The following COG1 variants were observed in gnomAD, a reference collection of about 807,000 sequenced individuals.
COG1 encodes the protein component of oligomeric golgi complex 1, also known as conserved oligomeric Golgi complex subunit 1.
In COG1, 61 loss-of-function variants were observed where a neutral mutation model predicts 102.2. The ratio of observed to expected loss-of-function variants is 0.60; its 90% confidence interval spans 0.49 to 0.74. The LOEUF is 0.74. Ranked by LOEUF, COG1 falls within the 30% of genes least tolerant of loss-of-function variation. COG1 has a pLI of 0.00. For synonymous variants in COG1, 454 were observed against 493.6 expected (o/e 0.92, Z 1.06); for missense variants, 1,164 against 1,232.1 (o/e 0.94, Z 0.83).
intron 12 of COG1, 175 bp from the exon 13 acceptor site, chr17:73,207,006 T>C (rs372187496): frequency 8.6e-6 from 6 of 694,152 alleles, no homozygotes; most frequent in South Asian, 3.4e-5. Flanking sequence ...GGCAGGAGAA[T>C]GGCGTGAACC....
intron 2 of COG1, 42 bp from the exon 3 acceptor site, chr17:73,196,858 A>G (rs770105045): frequency 6.2e-7 from 1 of 1,613,814 alleles, no homozygotes; most frequent in Admixed American, 1.7e-5. Flanking sequence ...TTTACCCAAG[A>G]TGTGAAAAAC....
At chr17:73,200,854 T>G in intron 6 of COG1, 78 bp downstream of exon 6, 1 of 1,362,092 alleles carries the variant, frequency 7.3e-7, no homozygotes, top group Non-Finnish European at 1.0e-6. Flanking sequence ...GAGATTTCTG[T>G]CGCTTCCCAA....
At chr17:73,199,619 G>C (rs1479032919) in intron 4 of COG1, among the ~76,000 whole-genome samples, 2 of 152,074 alleles carry the variant, frequency 1.3e-5, no homozygotes, top group Non-Finnish European at 2.9e-5. Flanking sequence ...TTGTTGCCCA[G>C]GCTTGAGTGT....
chr17:73,201,440 C>G lies in COG1; in HGVS notation c.1613C>G (p.Ser538Cys). The change falls in exon 7 of 14, where the codon TCT (serine) becomes TGT (cysteine). Residue 538 changes from serine to cysteine, a missense_variant. Physicochemically the swap from Ser to Cys is moderately radical, Grantham distance 112. Transcript: ENST00000299886. ...KLDDLLAYLP[S>C]DDSSLPKDVS... Reference sequence around the variant, plus strand: ...GATGACCTCCTGGCTTACCTCCCCTCTGATGACTCATCACTGCCCAAGGAC... The same window carrying G: ...GATGACCTCCTGGCTTACCTCCCCTGTGATGACTCATCACTGCCCAAGGAC... The G allele has an allele frequency of 6.2e-7, 1 of 1,614,278 alleles. No homozygotes were observed. The highest frequency in any genetic ancestry group is 2.2e-5 in the East Asian group (1 of 44,892).
intron 13 of COG1, 129 bp downstream of exon 13, chr17:73,207,385 TGGC>T: frequency 2.2e-6 from 2 of 901,806 alleles, no homozygotes; most frequent in Non-Finnish European, 1.8e-6. Flanking sequence ...CTGCTTTTAA[TGGC>T]GGCGCAATAG....
At position 73,203,684 on chromosome 17, in the gene COG1, G is replaced by A. The variant is rs375075236; in HGVS notation, c.2273G>A (p.Arg758Gln). ...FLFSLCQEIN[R>Q]VGGHALPKVT... Reference sequence around the variant, plus strand: ...TTTAGTTTATGCCAGGAAATTAATCGGGTTGGAGGCCATGCCTTGCCAAAG... The same window carrying A: ...TTTAGTTTATGCCAGGAAATTAATCAGGTTGGAGGCCATGCCTTGCCAAAG... Residue 758 changes from arginine (R) to glutamine (Q), a missense_variant, in exon 9 of 14, where the codon CGG (arginine) becomes CAG (glutamine). Arg to Gln is a conservative substitution (Grantham distance 43). Coordinates refer to ENST00000299886, the MANE Select transcript of COG1 (RefSeq NM_018714.3). The A allele has an allele frequency of 8.7e-6, 14 of 1,614,078 alleles. No individual in the cohort carries two copies. Among genetic ancestry groups the A allele is most frequent in the Admixed American group, 1.7e-5 (1 of 60,004 alleles).
rs933003677 is a variant in COG1, at chr17:73,206,716, T to C, written c.2628T>C (p.Phe876=). The C allele has an allele frequency of 3.1e-6, 5 of 1,612,506 alleles. No homozygotes were observed. The African/African-American group carries it at 6.7e-5, about 22-fold the overall frequency. ...CACCTCTTGTCTGCCAGGTTCTGTT[T>C]GGATTGGTGACTGGTACAGAGAATC... The part of the protein sequence containing the change: ...HRLVQRTSVL[F]GLVTGTENQL... Residue 876 remains phenylalanine (F), a synonymous_variant, in exon 12 of 14, where the codon TTT becomes TTC. Coordinates refer to ENST00000299886, the MANE Select transcript of COG1 (RefSeq NM_018714.3).
intron 4 of COG1, among the ~76,000 whole-genome samples, chr17:73,199,524 T>C (rs1180032736): frequency 6.6e-6 from 1 of 152,190 alleles, no homozygotes; most frequent in Non-Finnish European, 1.5e-5. Context: ...CAGTTTGACC[T>C]TCCAAAGGAA....
At chr17:73,205,276 C>T (rs1305402026) in intron 9 of COG1, 1 of 437,762 alleles carries the variant, frequency 2.3e-6, no homozygotes, top group Non-Finnish European at 4.2e-6. Context: ...CTCCTTCAGG[C>T]AAGGAGCCTT....
chr17:73,205,293 C>T, intron 9 of COG1: 1 of 462,268 alleles, frequency 2.2e-6, no homozygotes, highest in Non-Finnish European at 3.9e-6. Context: ...CCTTTTTTTC[C>T]CCTTTAGAAC....
chr17:73,200,826 G>T (rs1240864247), intron 6 of COG1, 50 bp downstream of exon 6: 1 of 1,503,240 alleles, frequency 6.7e-7, no homozygotes, highest in Non-Finnish European at 9.3e-7. Context: ...AATCCTAGTG[G>T]TATTTTGACT....
At position 73,197,444 on chromosome 17, in the gene COG1, A is replaced by C. The variant is rs201795360; in HGVS notation, c.913+48A>C. On this transcript the variant is annotated intron_variant, in intron 4 of 13. Coordinates refer to ENST00000299886, the MANE Select transcript of COG1 (RefSeq NM_018714.3). ...TAAATTCTGGTTCACTCAACTGATAATTTGCTCAGCGTCTACCGTGTGCCA... is the reference window on the plus strand; with the variant it reads ...TAAATTCTGGTTCACTCAACTGATACTTTGCTCAGCGTCTACCGTGTGCCA... 334 of 1,603,580 alleles carry C rather than the reference A, an allele frequency of 2.1e-4. 1 individual carries two copies. Among genetic ancestry groups the C allele is most frequent in the Admixed American group, 1.7e-3 (101 of 59,972 alleles).
At position 73,200,627 on chromosome 17, in the gene COG1, G is replaced by C. The variant is rs138121131; in HGVS notation, c.1132G>C (p.Gly378Arg). Residue 378 changes from glycine to arginine, a missense_variant, in exon 6 of 14, where the codon GGT becomes CGT. Physicochemically the swap from Gly to Arg is moderately radical, Grantham distance 125. Coordinates refer to ENST00000299886, the MANE Select transcript of COG1 (RefSeq NM_018714.3). ...GCTCATGTACGTGAAGAGCATGAAG[G>C]GTCTCGCGGGAATCCGGGACGCCAT... Reference protein sequence around the residue: ...NLLMYVKSMKGLAGIRDAMWE... With the variant: ...NLLMYVKSMKRLAGIRDAMWE... 3.6e-4 allele frequency: 577 copies of C among 1,614,038 alleles called. No individual in the cohort carries two copies. The highest frequency in any genetic ancestry group is 4.7e-4 in the Non-Finnish European group (556 of 1,180,046).
At position 73,196,756 on chromosome 17, in the gene COG1, G is replaced by A; in HGVS notation, c.560+5G>A. On this transcript the variant is annotated splice_donor_5th_base_variant and intron_variant, in intron 2 of 13. Transcript: ENST00000299886. Reference sequence around the variant, plus strand: ...GGCAGCCGCCAGCCACTTCCGGTAAGTGGATCCAGCGCAAAGAGCTGCTCT... The same window carrying A: ...GGCAGCCGCCAGCCACTTCCGGTAAATGGATCCAGCGCAAAGAGCTGCTCT... 1 of 1,614,142 alleles carries A rather than the reference G, an allele frequency of 6.2e-7. No homozygotes were observed.
rs1445681765 is a variant in COG1, at chr17:73,202,917, T to C, written c.2074-83T>C. 6 of 1,463,616 alleles carry C rather than the reference T, an allele frequency of 4.1e-6. No homozygotes were observed. In the Admixed American group the frequency reaches 1.0e-4, roughly 24 times the overall value. 90.7% of individuals were successfully genotyped at this position (1,463,616 alleles called of 1,614,324 possible). A position where few individuals can be genotyped will look rare whatever the true frequency, so the allele number is the denominator to read the frequency against. On this transcript the variant is annotated intron_variant, in intron 7 of 13. Transcript: ENST00000299886. ...CCTACAACTTCAGCAGCTTGAGCTG[T>C]TCTCAGGATTACACAGATTGTTTTA...
chr17:73,201,006 T>C lies in COG1; in HGVS notation c.1282-103T>C, dbSNP rs374059941. On this transcript the variant is annotated intron_variant, in intron 6 of 13. Transcript: ENST00000299886. ...CAACACCATGCCATCTTTCTGAAGA[T>C]GGTGAACCTTCTGAATGCTAGGATA... 1,582 of 1,136,288 alleles carry C rather than the reference T, an allele frequency of 1.4e-3. 25 individuals are homozygous for C. In the South Asian group the frequency reaches 0.018, roughly 13 times the overall value. 70.4% of individuals were successfully genotyped at this position (1,136,288 alleles called of 1,614,324 possible). A position where few individuals can be genotyped will look rare whatever the true frequency, so the allele number is the denominator to read the frequency against.
chr17:73,207,963 A>G (rs967516662), intron 13 of COG1: 4 of 1,236,580 alleles, frequency 3.2e-6, no homozygotes, highest in Non-Finnish European at 4.1e-6. Context: ...TGCAAAAACC[A>G]TCCAGTCCCT....
chr17:73,194,748 G>C (rs1411163317), intron 1 of COG1, among the ~76,000 whole-genome samples: 1 of 152,184 alleles, frequency 6.6e-6, no homozygotes, highest in African/African-American at 2.4e-5. Flanking sequence ...ACAGGCGCGA[G>C]AGCCACCGCG....
At chr17:73,204,262 T>C (rs2061358897) in intron 9 of COG1, among the ~76,000 whole-genome samples, 1 of 152,212 alleles carries the variant, frequency 6.6e-6, no homozygotes, top group Non-Finnish European at 1.5e-5. Context: ...ACTGGTTCAC[T>C]GGGGGCTCCG....
Sources: allele counts gnomAD v4.1 joint callset (sites outside exome capture counted in the v4.1 genomes callset), GRCh38; gene constraint gnomAD v4.1.1; transcripts MANE v1.5; gene names NCBI Gene and HGNC (gene_info 2026-07-23, HGNC 2026-07-21).